NAV3: variants seen among roughly 807,000 people sequenced by gnomAD.
The protein encoded by NAV3 is pore membrane and/or filament interacting like protein 1.
In NAV3, 87 loss-of-function variants were observed where a neutral mutation model predicts 244.7. That is an observed-to-expected ratio of 0.36 (90% CI 0.30 to 0.42). The LOEUF is 0.42. NAV3 is among the 20% of genes least tolerant of loss of function. The pLI is 1.00. For missense variants in NAV3, 2,663 were observed against 2,893.3 expected (o/e 0.92, Z 1.83); for synonymous variants, 1,126 against 1,042.2 (o/e 1.08, Z -1.55).
At chr12:77,694,864 G>T (rs1374461989) in intron 2 of NAV3, among the ~76,000 whole-genome samples, 1 of 152,130 alleles carries the variant, frequency 6.6e-6, no homozygotes, top group Non-Finnish European at 1.5e-5. Context: ...TTGAGTGTCA[G>T]ATCCATGAGA....
chr12:78,121,845 A>C (rs1445575250), intron 15 of NAV3, 95 bp from the exon 16 acceptor site: 1 of 1,490,932 alleles, frequency 6.7e-7, no homozygotes, highest in Non-Finnish European at 9.1e-7. Flanking sequence ...TCAGTACATC[A>C]AAGCACACTT....
At chr12:77,991,719 C>T (rs1174714549) in intron 5 of NAV3, among the ~76,000 whole-genome samples, 2 of 152,084 alleles carry the variant, frequency 1.3e-5, no homozygotes, top group African/African-American at 4.8e-5. Flanking sequence ...GATAGTAGAA[C>T]AGAAACACAG....
At chr12:78,172,381 C>T (rs1958038857) in intron 24 of NAV3, among the ~76,000 whole-genome samples, 1 of 151,452 alleles carries the variant, frequency 6.6e-6, no homozygotes, top group South Asian at 2.1e-4. Flanking sequence ...GCTTGTATAG[C>T]AATACAAGGT....
intron 2 of NAV3, among the ~76,000 whole-genome samples, chr12:77,715,197 A>AT (rs1876303983): frequency 6.6e-6 from 1 of 151,998 alleles, no homozygotes; most frequent in South Asian, 2.1e-4. Context: ...AGAAAGCATA[A>AT]TTTGACAATG....
intron 3 of NAV3, among the ~76,000 whole-genome samples, chr12:77,961,024 A>G (rs1349761957): frequency 7.6e-6 from 1 of 132,344 alleles, no homozygotes; most frequent in East Asian, 2.3e-4. Context: ...TATATGTTAC[A>G]TGTATACGCA....
intron 2 of NAV3, among the ~76,000 whole-genome samples, chr12:77,585,833 G>T (rs190625948): frequency 4.6e-5 from 7 of 152,098 alleles, no homozygotes; most frequent in African/African-American, 4.8e-5. Context: ...AGGCTTTTCT[G>T]TCTCTTTACC....
chr12:77,936,060 G>A (rs1889297947), intron 1 of NAV3, among the ~76,000 whole-genome samples: 1 of 152,158 alleles, frequency 6.6e-6, no homozygotes, highest in South Asian at 2.1e-4. Flanking sequence ...CCATTTTACA[G>A]ATGAGAATAC....
chr12:77,821,424 C>T (rs1175261381), intron 2 of NAV3, among the ~76,000 whole-genome samples: 2 of 152,116 alleles, frequency 1.3e-5, no homozygotes, highest in Non-Finnish European at 1.5e-5. Flanking sequence ...AAACCTAATG[C>T]ATCCTTAGAA....
chr12:77,574,892 C>A (rs1179971516), intron 2 of NAV3, among the ~76,000 whole-genome samples: 3 of 151,798 alleles, frequency 2.0e-5, no homozygotes. Context: ...GTTGGTCATT[C>A]ATAGGGTGCT....
At chr12:77,735,818 A>G (rs1172559165) in intron 2 of NAV3, among the ~76,000 whole-genome samples, 1 of 152,176 alleles carries the variant, frequency 6.6e-6, no homozygotes, top group East Asian at 1.9e-4. Flanking sequence ...GCCACATGCA[A>G]TACATAAATG....
At chr12:78,149,171 G>A (rs941637791) in intron 22 of NAV3, among the ~76,000 whole-genome samples, 12 of 152,018 alleles carry the variant, frequency 7.9e-5, no homozygotes, top group Non-Finnish European at 2.9e-5. Context: ...ACAGCCATAT[G>A]GGTTACTTCT....
intron 1 of NAV3, among the ~76,000 whole-genome samples, chr12:77,856,834 T>A (rs1183198124): frequency 6.6e-6 from 1 of 152,120 alleles, no homozygotes; most frequent in East Asian, 1.9e-4. Context: ...ATGGTTTCAA[T>A]TCAAAATAAG....
At chr12:77,604,556 C>T (rs1870584743) in intron 2 of NAV3, among the ~76,000 whole-genome samples, 1 of 145,402 alleles carries the variant, frequency 6.9e-6, no homozygotes, top group African/African-American at 2.4e-5. Flanking sequence ...TAAATTAAAT[C>T]TTATGTAGTT....
chr12:77,661,839 A>T (rs1167293755), intron 2 of NAV3, among the ~76,000 whole-genome samples: 1 of 152,090 alleles, frequency 6.6e-6, no homozygotes. Context: ...TTTATAAAAA[A>T]CAGTTTATAA....
chr12:77,679,466 C>T (rs17794571), intron 2 of NAV3, among the ~76,000 whole-genome samples: 3,773 of 151,976 alleles, frequency 0.025, 62 homozygotes, highest in Middle Eastern at 0.082. Flanking sequence ...GTTCCCTTCT[C>T]GTCATGTTGA....
chr12:77,874,464 G>A (rs1021840719), intron 1 of NAV3, among the ~76,000 whole-genome samples: 7 of 151,960 alleles, frequency 4.6e-5, no homozygotes, highest in African/African-American at 1.7e-4. Context: ...TCCTGCCTCA[G>A]CCTCTCAAAG....
At chr12:77,753,000 C>T (rs1868940102) in intron 2 of NAV3, among the ~76,000 whole-genome samples, 1 of 152,108 alleles carries the variant, frequency 6.6e-6, no homozygotes, top group Non-Finnish European at 1.5e-5. Context: ...GTAAACTGAA[C>T]AGGAACTCCA....
At chr12:77,931,637 C>T (rs779065604) in intron 1 of NAV3, among the ~76,000 whole-genome samples, 1 of 151,984 alleles carries the variant, frequency 6.6e-6, no homozygotes, top group Non-Finnish European at 1.5e-5. Flanking sequence ...GAGGCCCAGG[C>T]AGGCGGATCA....
chr12:77,876,227 T>C (rs1376959328), intron 1 of NAV3, among the ~76,000 whole-genome samples: 1 of 152,074 alleles, frequency 6.6e-6, no homozygotes, highest in African/African-American at 2.4e-5. Flanking sequence ...CCATATTTGA[T>C]GATTATATGA....
Sources: gnomAD v4.1 joint callset for allele counts (sites outside exome capture counted in the v4.1 genomes callset) on GRCh38, gnomAD v4.1.1 for gene constraint, MANE v1.5 for transcripts, NCBI Gene and HGNC (gene_info 2026-07-23, HGNC 2026-07-21) for gene names.